The following SPATA17 variants were observed in gnomAD, a reference collection of about 807,000 sequenced individuals.
SPATA17 encodes the protein spermatogenesis-associated protein 17.
Under a neutral mutation model 62.2 loss-of-function variants are expected in SPATA17, and 53 were observed. That is an observed-to-expected ratio of 0.85 (90% CI 0.68 to 1.07). The LOEUF (loss-of-function observed/expected upper bound fraction) is 1.07, where lower values mean the gene tolerates loss of function less well. Ranked by LOEUF, SPATA17 falls within the 50% of genes least tolerant of loss-of-function variation. The pLI is 0.00. For synonymous variants in SPATA17, 146 were observed against 146.8 expected (o/e 0.99, Z 0.04); for missense variants, 466 against 425.5 (o/e 1.10, Z -0.84).
chr1:217,805,003 C>T (rs1674398446), intron 9 of SPATA17, among the ~76,000 whole-genome samples: 1 of 152,160 alleles, frequency 6.6e-6, no homozygotes, highest in Non-Finnish European at 1.5e-5. Flanking sequence ...AATAGAACTA[C>T]TGTAAAATCC....
At chr1:217,748,759 A>C (rs1228786761) in intron 6 of SPATA17, among the ~76,000 whole-genome samples, 1 of 151,914 alleles carries the variant, frequency 6.6e-6, no homozygotes, top group Non-Finnish European at 1.5e-5. Flanking sequence ...AAAAAAAAAA[A>C]AAAACTTTAA....
chr1:217,851,280 T>C (rs1675659663), intron 9 of SPATA17, among the ~76,000 whole-genome samples: 1 of 152,018 alleles, frequency 6.6e-6, no homozygotes, highest in East Asian at 1.9e-4. Context: ...CAAAAAAAAG[T>C]TTCCTGTGAG....
At chr1:217,694,767 G>T (rs1671417736) in intron 5 of SPATA17, among the ~76,000 whole-genome samples, 2 of 148,186 alleles carry the variant, frequency 1.3e-5, no homozygotes, top group Non-Finnish European at 3.0e-5. Flanking sequence ...AGTTTGGCTG[G>T]ATATGAAATT....
chr1:217,707,014 G>A (rs760019056), intron 5 of SPATA17, among the ~76,000 whole-genome samples: 21 of 151,814 alleles, frequency 1.4e-4, no homozygotes, highest in Non-Finnish European at 2.5e-4. Flanking sequence ...CTACAAGCAC[G>A]TGCTACCATG....
At chr1:217,795,585 G>T (rs1428170076) in intron 8 of SPATA17, among the ~76,000 whole-genome samples, 1 of 151,810 alleles carries the variant, frequency 6.6e-6, no homozygotes, top group Non-Finnish European at 1.5e-5. Context: ...GGCCAGGCTG[G>T]TCTTGCACTC....
chr1:217,782,352 T>C (rs2102976914), intron 8 of SPATA17, 30 bp downstream of exon 8: 1 of 1,559,556 alleles, frequency 6.4e-7, no homozygotes, highest in Non-Finnish European at 8.6e-7. Flanking sequence ...AAAATAGCTG[T>C]GACATATTTG....
intron 6 of SPATA17, among the ~76,000 whole-genome samples, chr1:217,765,939 C>T (rs1355584422): frequency 6.6e-6 from 1 of 151,930 alleles, no homozygotes; most frequent in African/African-American, 2.4e-5. Flanking sequence ...ATTTTCCTTA[C>T]TTTTAAGTCT....
intron 4 of SPATA17, among the ~76,000 whole-genome samples, chr1:217,682,204 G>A (rs1296974967): frequency 2.6e-5 from 4 of 151,744 alleles, no homozygotes; most frequent in Non-Finnish European, 5.9e-5. Flanking sequence ...TTTTGTTTGA[G>A]TTTTTCAGAT....
At chr1:217,655,711 C>A (rs1034273511) in intron 3 of SPATA17, among the ~76,000 whole-genome samples, 2 of 151,750 alleles carry the variant, frequency 1.3e-5, no homozygotes, top group Admixed American at 6.6e-5. Flanking sequence ...TAATGGATTC[C>A]TATTTTATTC....
chr1:217,703,351 T>C (rs990826109), intron 5 of SPATA17, among the ~76,000 whole-genome samples: 3 of 151,908 alleles, frequency 2.0e-5, no homozygotes, highest in Admixed American at 1.3e-4. Flanking sequence ...TTTGTGTTTT[T>C]AGTAGAGACG....
chr1:217,752,802 CT>C (rs1406607011), intron 6 of SPATA17, among the ~76,000 whole-genome samples: 1 of 152,142 alleles, frequency 6.6e-6, no homozygotes, highest in Non-Finnish European at 1.5e-5. Flanking sequence ...TGATGAGGCA[CT>C]TTAGGATGTC....
At chr1:217,663,307 T>C (rs1400441019) in intron 3 of SPATA17, among the ~76,000 whole-genome samples, 2 of 151,956 alleles carry the variant, frequency 1.3e-5, no homozygotes, top group Non-Finnish European at 2.9e-5. Flanking sequence ...TGGCCAGGCA[T>C]AGTGGCTCGC....
At chr1:217,767,970 G>A (rs140414163) in intron 6 of SPATA17, among the ~76,000 whole-genome samples, 229 of 152,248 alleles carry the variant, frequency 1.5e-3, no homozygotes, top group African/African-American at 4.9e-3. Context: ...ATGTGGGCCC[G>A]GCGCAGTGGC....
chr1:217,707,094 T>C (rs1185114738), intron 5 of SPATA17, among the ~76,000 whole-genome samples: 1 of 152,166 alleles, frequency 6.6e-6, no homozygotes, highest in African/African-American at 2.4e-5. Context: ...CTTGAACTCC[T>C]GACCTCGTAA....
chr1:217,664,152 G>A (rs1476020841), intron 3 of SPATA17, among the ~76,000 whole-genome samples: 1 of 152,108 alleles, frequency 6.6e-6, no homozygotes, highest in Non-Finnish European at 1.5e-5. Flanking sequence ...ACTGAAGTGT[G>A]GGGTCATTGG....
rs894060241 is a variant in SPATA17, at chr1:217,646,835, A to G, written c.69-2047A>G. Among the ~76,000 whole-genome samples the G allele has an allele frequency of 9.9e-5, 15 of 151,864 alleles. No homozygotes were observed. The South Asian group carries it at 2.3e-3, about 23-fold the overall frequency. On this transcript the variant is annotated intron_variant, in intron 1 of 10. Transcript: ENST00000366933. ...CTTGAACCCGGGAGGCGGAGATTGC[A>G]GTGAGCCGAGATCACACCACTGCAC...
chr1:217,716,867 A>G (rs1013107292), intron 5 of SPATA17, among the ~76,000 whole-genome samples: 1 of 152,206 alleles, frequency 6.6e-6, no homozygotes, highest in Admixed American at 6.5e-5. Context: ...ATGGTGTTTT[A>G]TATGTTATCT....
chr1:217,858,443 T>C (rs1250506253), intron 9 of SPATA17, among the ~76,000 whole-genome samples: 1 of 152,220 alleles, frequency 6.6e-6, no homozygotes, highest in Non-Finnish European at 1.5e-5. Flanking sequence ...TATCCCCATG[T>C]TACAGATTAC....
Position 217,631,395 on chromosome 1 carries a change from G to A in SPATA17, c.17G>A (p.Arg6Gln), listed in dbSNP as rs2102869310. 2 of 1,614,088 alleles carry A rather than the reference G, an allele frequency of 1.2e-6. No individual in the cohort carries two copies. Among genetic ancestry groups the A allele is most frequent in the African/African-American group, 1.3e-5 (1 of 75,020 alleles). Residue 6 changes from arginine to glutamine, a missense_variant, in exon 1 of 11, where the codon CGG (arginine) becomes CAG (glutamine). By Grantham distance (43) the Arg-to-Gln change is conservative. Coordinates refer to ENST00000366933, the MANE Select transcript of SPATA17 (RefSeq NM_138796.4). ...CAAGAGACCATGGCCACGTTAGCCC[G>A]GCTGCAAGCTAGGTCGTCGACTGTA... MATLA[R>Q]LQARSSTVGN...
Sources: allele counts gnomAD v4.1 joint callset (sites outside exome capture counted in the v4.1 genomes callset), GRCh38; gene constraint gnomAD v4.1.1; transcripts MANE v1.5; gene names NCBI Gene and HGNC (gene_info 2026-07-23, HGNC 2026-07-21).